The following DRICH1 variants were observed in gnomAD, a reference collection of about 807,000 sequenced individuals.
DRICH1 encodes the protein aspartate rich 1, also known as aspartate-rich protein 1.
In DRICH1, 38 loss-of-function variants were observed where a neutral mutation model predicts 39.5. The ratio of observed to expected loss-of-function variants is 0.96; its 90% CI spans 0.74 to 1.26. The LOEUF (loss-of-function observed/expected upper bound fraction) is 1.26, where lower values mean the gene tolerates loss of function less well. Ranked by LOEUF, DRICH1 falls within the 50% of genes most tolerant of loss-of-function variation. The pLI is 0.00. For missense variants in DRICH1, 279 were observed against 270.4 expected, an observed-to-expected ratio of 1.03 and a Z score of -0.22; for synonymous variants, 84 against 99.5, an observed-to-expected ratio of 0.84 and a Z score of 0.93.
chr22:23,601,820 C>G, the DRICH1 span, among the ~76,000 whole-genome samples: 1 of 152,246 alleles, frequency 6.6e-6, no homozygotes, highest in Non-Finnish European at 1.5e-5. Flanking sequence ...GTTTGCATTT[C>G]TGTGATATTC....
the DRICH1 span, among the ~76,000 whole-genome samples, chr22:23,582,460 C>T: frequency 6.6e-6 from 1 of 151,822 alleles, no homozygotes; most frequent in Admixed American, 6.6e-5. Context: ...TATTTGGGTA[C>T]TCTGGATACC....
chr22:23,617,518 T>G, intron 7 of DRICH1, 57 bp downstream of exon 7: 1 of 1,584,650 alleles, frequency 6.3e-7, no homozygotes, highest in Non-Finnish European at 8.7e-7. Context: ...TTGGTGAGTT[T>G]GTTTCTCACA....
intron 11 of DRICH1, among the ~76,000 whole-genome samples, chr22:23,609,750 T>A (rs898154536): frequency 1.1e-4 from 16 of 152,168 alleles, no homozygotes; most frequent in Admixed American, 6.5e-4. Flanking sequence ...ATGTCCTTCA[T>A]CCCTGTTTGC....
chr22:23,585,531 CT>C, the DRICH1 span, among the ~76,000 whole-genome samples: 23 of 151,182 alleles, frequency 1.5e-4, no homozygotes, highest in African/African-American at 5.6e-4. Context: ...GTTTTCTTTT[CT>C]TTTTTTTGAG....
At chr22:23,623,929 A>G in intron 3 of DRICH1, 2 of 976,836 alleles carry the variant, frequency 2.0e-6, no homozygotes, top group South Asian at 9.4e-5. Flanking sequence ...GTAAAACTGC[A>G]TATTCTCAAC....
intron 5 of DRICH1, among the ~76,000 whole-genome samples, 184 bp downstream of exon 5, chr22:23,620,410 T>A (rs1351742637): frequency 2.0e-5 from 3 of 151,964 alleles, no homozygotes; most frequent in Admixed American, 6.6e-5. Flanking sequence ...TCACACAAAA[T>A]CTCCTGCTTG....
rs1569088456 is a variant in DRICH1, at chr22:23,614,127, GGTCTTACGTGGAT to G, written c.616_621+7del. Reference sequence around the variant, plus strand: ...TTGCTGTAGAAGACAAAAAAAGGGAGGTCTTACGTGGATGTCATCATCATCTTCTTCTTCTTCA... The same window carrying G: ...TTGCTGTAGAAGACAAAAAAAGGGAGGTCATCATCATCTTCTTCTTCTTCA... On this transcript the variant is annotated splice_donor_variant and splice_donor_5th_base_variant and coding_sequence_variant and intron_variant, in exon 9 of 12. Transcript: ENST00000317749. LOFTEE classifies it high-confidence loss of function. The G allele has an allele frequency of 1.9e-6, 3 of 1,591,176 alleles. No homozygotes were observed. In the South Asian group the frequency reaches 3.3e-5, roughly 18 times the overall value.
intron 11 of DRICH1, among the ~76,000 whole-genome samples, chr22:23,610,696 CT>C (rs1201761432): frequency 6.6e-6 from 1 of 152,188 alleles, no homozygotes; most frequent in African/African-American, 2.4e-5. Flanking sequence ...TCCATTTTTA[CT>C]TATTGCCTAA....
Position 23,616,848 on chromosome 22 carries a change from C to T in DRICH1, c.541+5G>A, listed in dbSNP as rs1158774904. On this transcript the variant is annotated splice_donor_5th_base_variant and intron_variant, in intron 8 of 11. Transcript: ENST00000317749. ...TCAGAAAGTGAGTTAGTTCAAGGTA[C>T]ATACCCTGGACAGGTGACGGTAAAA... 4 of 1,613,958 alleles carry T rather than the reference C, an allele frequency of 2.5e-6. No homozygotes were observed. Among genetic ancestry groups the T allele is most frequent in the Non-Finnish European group, 3.4e-6 (4 of 1,179,930 alleles).
At position 23,622,309 on chromosome 22, in the gene DRICH1, CCT is replaced by C. The variant is rs202007942; in HGVS notation, c.299-135_299-134del. The C allele has an allele frequency of 9.3e-3, 7,663 of 828,390 alleles. 64 individuals carry two copies. The highest frequency in any genetic ancestry group is 0.013 in the Middle Eastern group (57 of 4,410). 51.3% of individuals were successfully genotyped at this position (828,390 alleles called of 1,614,324 possible). ...GACTGAGTTAATGCTGGGCTATTCC[CCT>C]GAGTGGAAGAGGGATGGCAGAGGAG... On this transcript the variant is annotated intron_variant, in intron 3 of 11. Coordinates refer to ENST00000317749, the MANE Select transcript of DRICH1 (RefSeq NM_016449.4).
intron 8 of DRICH1, among the ~76,000 whole-genome samples, chr22:23,615,898 G>C (rs1927323444): frequency 6.6e-6 from 1 of 152,082 alleles, no homozygotes; most frequent in Admixed American, 6.6e-5. Flanking sequence ...ATACACAATG[G>C]GGAAAGGACA....
At chr22:23,613,473 G>T (rs954377935) in intron 10 of DRICH1, 143 bp from the exon 11 acceptor site, 21 of 933,506 alleles carry the variant, frequency 2.2e-5, no homozygotes, top group Non-Finnish European at 3.1e-5. Context: ...TTTCTTCTGG[G>T]TCGACAAACC....
In DRICH1 at chr22:23,617,615, C is replaced by G; in HGVS notation, c.479G>C (p.Ser160Thr). The change falls in exon 7 of 12, where the codon AGT becomes ACT. Residue 160 changes from serine to threonine, a missense_variant. Coordinates refer to ENST00000317749, the MANE Select transcript of DRICH1 (RefSeq NM_016449.4). ...ATCATCATCACAGTCATCATCTTCA[C>G]TTCGTGGTAGGCATACTAAACTCAG... Reference protein sequence around the residue: ...DNLSLVCLPRSEDDDCDDDDD... With the variant: ...DNLSLVCLPRTEDDDCDDDDD... The G allele has an allele frequency of 3.7e-6, 6 of 1,614,164 alleles. No individual in the cohort carries two copies. Among genetic ancestry groups the G allele is most frequent in the Non-Finnish European group, 5.1e-6 (6 of 1,180,008 alleles).
At position 23,631,924 on chromosome 22, in the gene DRICH1, C is replaced by T. The variant is rs1920991482; in HGVS notation, c.100G>A (p.Val34Met). Residue 34 changes from valine to methionine, a missense_variant, in exon 1 of 12, where the codon GTG becomes ATG. Coordinates refer to ENST00000317749, the MANE Select transcript of DRICH1 (RefSeq NM_016449.4). ...YESDTDIYET[V>M]AAATSESTTV... is the part of the protein sequence containing the mutation. Reference sequence around the variant, plus strand: ...GTGGATTCTGATGTTGCAGCAGCCACAGTCTCATAAATATCAGTATCAGAT... The same window carrying T: ...GTGGATTCTGATGTTGCAGCAGCCATAGTCTCATAAATATCAGTATCAGAT... 2 of 1,613,770 alleles carry T rather than the reference C, an allele frequency of 1.2e-6. No individual in the cohort carries two copies. Among genetic ancestry groups the T allele is most frequent in the Non-Finnish European group, 1.7e-6 (2 of 1,180,042 alleles).
At chr22:23,631,125 A>C (rs944969533) in intron 1 of DRICH1, among the ~76,000 whole-genome samples, 1 of 152,166 alleles carries the variant, frequency 6.6e-6, no homozygotes, top group African/African-American at 2.4e-5. Flanking sequence ...AACTTAAAAA[A>C]AATTAAATTA....
intron 8 of DRICH1, 32 bp from the exon 9 acceptor site, chr22:23,614,246 C>T (rs190721080): frequency 9.2e-5 from 141 of 1,537,512 alleles, no homozygotes; most frequent in Non-Finnish European, 6.5e-5. Context: ...ATCAGTGCAC[C>T]GGTGGTTGGT....
At chr22:23,609,127 A>T (rs1926893050) in intron 11 of DRICH1, among the ~76,000 whole-genome samples, 1 of 152,154 alleles carries the variant, frequency 6.6e-6, no homozygotes, top group Non-Finnish European at 1.5e-5. Context: ...TGTAGCCCAG[A>T]GGCACAAACT....
intron 6 of DRICH1, 54 bp downstream of exon 6, chr22:23,619,309 AG>A (rs1927566559): frequency 2.6e-6 from 2 of 777,518 alleles, no homozygotes; most frequent in Admixed American, 1.7e-5. Flanking sequence ...ATTCATGGAT[AG>A]GAAGACTCAG....
the DRICH1 span, among the ~76,000 whole-genome samples, chr22:23,601,395 G>C: frequency 2.0e-5 from 3 of 152,210 alleles, no homozygotes; most frequent in Admixed American, 1.3e-4. Context: ...AAACTAGGTT[G>C]CAATTGAGCC....
Sources: allele counts gnomAD v4.1 joint callset (sites outside exome capture counted in the v4.1 genomes callset), GRCh38; gene constraint gnomAD v4.1.1; transcripts MANE v1.5; gene names NCBI Gene and HGNC (gene_info 2026-07-23, HGNC 2026-07-21).